Variants in RALGAPA1 observed in about 807,000 individuals in gnomAD.
RALGAPA1 encodes the protein Ral GTPase activating protein catalytic subunit alpha 1.
A neutral mutation model predicts 269.6 loss-of-function variants in RALGAPA1; 52 were observed. That is an observed-to-expected ratio of 0.19 (90% confidence interval 0.15 to 0.24). RALGAPA1 has a LOEUF of 0.24. Among genes scored for constraint, RALGAPA1 ranks in the 10% least tolerant of loss-of-function variants. RALGAPA1 has a pLI of 1.00. For synonymous variants in RALGAPA1, 817 were observed against 1,008.3 expected, an observed-to-expected ratio of 0.81 and a Z score of 3.60; for missense variants, 1,917 against 3,013.9, an observed-to-expected ratio of 0.64 and a Z score of 8.52.
Position 35,751,794 on chromosome 14 carries a change from C to A in RALGAPA1, c.802+230G>T, listed in dbSNP as rs186659489. Among the ~76,000 whole-genome samples the A allele has an allele frequency of 1.0e-3, 141 of 141,186 alleles. 1 individual carries two copies. The highest frequency in any genetic ancestry group is 3.1e-3 in the African/African-American group (118 of 38,368). 92.6% of individuals were successfully genotyped at this position (141,186 alleles called of 152,430 possible). On this transcript the variant is annotated intron_variant, in intron 8 of 41. Coordinates refer to ENST00000680220, the MANE Select transcript of RALGAPA1 (RefSeq NM_001346249.2). ...GTGAGTCCCTGTCTCTTAAAAAAAACAACAACAACAACAACAACAAAAAAA... is the reference window on the plus strand; with the variant it reads ...GTGAGTCCCTGTCTCTTAAAAAAAAAAACAACAACAACAACAACAAAAAAA...
At chr14:35,658,737 G>T (rs999771937) in intron 28 of RALGAPA1, among the ~76,000 whole-genome samples, 72 of 150,884 alleles carry the variant, frequency 4.8e-4, no homozygotes, top group African/African-American at 1.7e-3. Context: ...TATTTTCTTA[G>T]ATATATTACT....
rs766987483 is a variant in RALGAPA1, at chr14:35,794,229, CT to C, written c.106+14500del. Among the ~76,000 whole-genome samples, 417 of 152,192 alleles carry C rather than the reference CT, an allele frequency of 2.7e-3. 2 individuals are homozygous for C. The highest frequency in any genetic ancestry group is 4.6e-3 in the Non-Finnish European group (314 of 68,014). ...GTGGCTCATGCCTGTAATCCCAGCACTTTGGGAGGTCGAGGCGGTCAGATAA... is the reference window on the plus strand; with the variant it reads ...GTGGCTCATGCCTGTAATCCCAGCACTTGGGAGGTCGAGGCGGTCAGATAA... On this transcript the variant is annotated intron_variant, in intron 1 of 41. Transcript: ENST00000680220.
intron 6 of RALGAPA1, among the ~76,000 whole-genome samples, chr14:35,758,142 C>T (rs917585726): frequency 2.7e-5 from 4 of 146,310 alleles, no homozygotes; most frequent in South Asian, 2.2e-4. Flanking sequence ...ATCTCAGCTA[C>T]TTTGGAGCAC....
At chr14:35,770,784 A>G (rs997039933) in intron 4 of RALGAPA1, among the ~76,000 whole-genome samples, 158 bp downstream of exon 4, 1 of 151,968 alleles carries the variant, frequency 6.6e-6, no homozygotes, top group Non-Finnish European at 1.5e-5. Context: ...TTCATCTATA[A>G]TTTTTCTTAT....
intron 41 of RALGAPA1, among the ~76,000 whole-genome samples, chr14:35,546,454 G>GTAATAATAA (rs10622401): frequency 6.7e-6 from 1 of 149,880 alleles, no homozygotes; most frequent in Non-Finnish European, 1.5e-5. Context: ...AATTTAAAGT[G>GTAATAATAA]TAATAATAAT....
intron 1 of RALGAPA1, among the ~76,000 whole-genome samples, chr14:35,800,459 T>C (rs2076885817): frequency 6.6e-6 from 1 of 152,130 alleles, no homozygotes; most frequent in Non-Finnish European, 1.5e-5. Flanking sequence ...TCCATAAATA[T>C]GTGAAGCTAA....
At chr14:35,752,931 T>C (rs1184808055) in intron 7 of RALGAPA1, among the ~76,000 whole-genome samples, 1 of 152,176 alleles carries the variant, frequency 6.6e-6, no homozygotes, top group Non-Finnish European at 1.5e-5. Context: ...GAAACCAGAA[T>C]GAACCCTGTG....
intron 27 of RALGAPA1, among the ~76,000 whole-genome samples, chr14:35,660,252 T>C (rs1241160689): frequency 1.3e-5 from 2 of 151,950 alleles, no homozygotes; most frequent in Non-Finnish European, 2.9e-5. Context: ...TAATCTAATA[T>C]ATAAAAAACC....
At chr14:35,543,016 C>T (rs1015553222) in intron 41 of RALGAPA1, among the ~76,000 whole-genome samples, 9 of 152,096 alleles carry the variant, frequency 5.9e-5, no homozygotes, top group African/African-American at 2.2e-4. Flanking sequence ...GCAGATATAG[C>T]CCTATAAAAT....
chr14:35,601,701 C>T (rs977260525), intron 36 of RALGAPA1, among the ~76,000 whole-genome samples: 5 of 152,104 alleles, frequency 3.3e-5, no homozygotes, highest in Non-Finnish European at 7.4e-5. Flanking sequence ...GTCATTCTTC[C>T]GTCCTAAAGT....
intron 33 of RALGAPA1, among the ~76,000 whole-genome samples, chr14:35,633,870 A>G (rs1229191579): frequency 6.6e-6 from 1 of 152,144 alleles, no homozygotes; most frequent in African/African-American, 2.4e-5. Context: ...TATCAGAGAG[A>G]GAATGCTCTG....
At chr14:35,698,447 G>A (rs2067069287) in intron 17 of RALGAPA1, among the ~76,000 whole-genome samples, 1 of 151,980 alleles carries the variant, frequency 6.6e-6, no homozygotes, top group Non-Finnish European at 1.5e-5. Flanking sequence ...AATCCCTTAA[G>A]ATGTGGAGAA....
rs1426344606 is a variant in RALGAPA1, at chr14:35,716,160, G to A, written c.2266+5528C>T. The A allele has an allele frequency of 1.6e-5, 13 of 815,698 alleles. No individual in the cohort carries two copies. In the East Asian group the frequency reaches 3.7e-4, roughly 23 times the overall value. 50.5% of individuals were successfully genotyped at this position (815,698 alleles called of 1,614,324 possible). ...TATAATCCCAGCACTTTGGGAGGCCGAGGAGGGTGGATCACTTGAGGTCAG... is the reference window on the plus strand; with the variant it reads ...TATAATCCCAGCACTTTGGGAGGCCAAGGAGGGTGGATCACTTGAGGTCAG... On this transcript the variant is annotated intron_variant, in intron 16 of 41. Coordinates refer to ENST00000680220, the MANE Select transcript of RALGAPA1 (RefSeq NM_001346249.2).
intron 28 of RALGAPA1, among the ~76,000 whole-genome samples, chr14:35,657,882 G>A (rs2140089814): frequency 6.6e-6 from 1 of 152,094 alleles, no homozygotes. Context: ...CTATTAAAAG[G>A]TGGATGAAAA....
chr14:35,758,067 T>C (rs1225383701), intron 6 of RALGAPA1, among the ~76,000 whole-genome samples: 1 of 151,894 alleles, frequency 6.6e-6, no homozygotes, highest in Admixed American at 6.6e-5. Flanking sequence ...TTGGCCAACA[T>C]GGTAAAACCC....
chr14:35,738,875 T>C (rs530318816), intron 11 of RALGAPA1, among the ~76,000 whole-genome samples: 29 of 152,274 alleles, frequency 1.9e-4, no homozygotes, highest in East Asian at 1.9e-4. Context: ...AAACCCATAA[T>C]GAGCAGCCAG....
intron 1 of RALGAPA1, among the ~76,000 whole-genome samples, chr14:35,808,118 AT>A (rs1170752952): frequency 1.3e-4 from 20 of 152,222 alleles, no homozygotes; most frequent in Admixed American, 8.5e-4. Context: ...GATAAAAAAA[AT>A]ATTTTTAATT....
At chr14:35,756,320 C>A (rs552186362) in intron 7 of RALGAPA1, 11 of 152,296 alleles carry the variant, frequency 7.2e-5, no homozygotes, top group African/African-American at 2.4e-4. Flanking sequence ...AGAAAATAAG[C>A]AACTATATGC....
chr14:35,554,370 G>A (rs1458106405), intron 39 of RALGAPA1, among the ~76,000 whole-genome samples: 1 of 112,882 alleles, frequency 8.9e-6, no homozygotes, highest in African/African-American at 3.5e-5. Context: ...TTTTTGAGAC[G>A]GAGTCTCACT....
Sources: gnomAD v4.1 joint callset for allele counts (sites outside exome capture counted in the v4.1 genomes callset) on GRCh38, gnomAD v4.1.1 for gene constraint, MANE v1.5 for transcripts, NCBI Gene and HGNC (gene_info 2026-07-23, HGNC 2026-07-21) for gene names.